Variants in ZBTB20 observed in about 807,000 individuals in gnomAD.
ZBTB20 encodes the protein zinc finger and BTB domain containing 20, also known as zinc finger and BTB domain-containing protein 20.
ZBTB20 carries 9 observed loss-of-function variants against 56.9 expected under a neutral mutation model. The observed-to-expected ratio is 0.16, with a 90% CI of 0.10 to 0.28. The LOEUF (loss-of-function observed/expected upper bound fraction) is 0.28, where lower values mean the gene tolerates loss of function less well. ZBTB20 is among the 10% of genes least tolerant of loss of function. ZBTB20 has a pLI of 1.00. For missense variants in ZBTB20, 655 were observed against 1,003.0 expected (o/e 0.65, Z 4.69); for synonymous variants, 417 against 420.7 (o/e 0.99, Z 0.11).
intron 4 of ZBTB20, among the ~76,000 whole-genome samples, chr3:114,870,557 G>T (rs772239328): frequency 1.3e-5 from 2 of 151,646 alleles, no homozygotes; most frequent in Non-Finnish European, 2.9e-5. Flanking sequence ...TGCTTCAGTG[G>T]TGATGGTGGT....
intron 7 of ZBTB20, among the ~76,000 whole-genome samples, chr3:114,421,121 T>A (rs1162757856): frequency 6.6e-6 from 1 of 152,098 alleles, no homozygotes; most frequent in Non-Finnish European, 1.5e-5. Context: ...GCTTTTCCTA[T>A]CTTTTGTTTC....
rs1560060029 is a variant in ZBTB20, at chr3:114,324,137, A to G, written c.*14868T>C. 6.6e-6 allele frequency: 1 copy of G among 152,144 alleles called. No homozygotes were observed. The highest frequency in any genetic ancestry group is 1.5e-5 in the Non-Finnish European group (1 of 68,018). 9.4% of individuals were successfully genotyped at this position (152,144 alleles called of 1,614,324 possible). ...CATGCACCTATGTATTTTCTGTAAA[A>G]CATTAAGCCAATAGGCAGAAAATAA... On this transcript the variant is annotated 3_prime_UTR_variant, in exon 12 of 12. Transcript: ENST00000675478.
chr3:115,141,368 G>A (rs1053819204), intron 1 of ZBTB20, among the ~76,000 whole-genome samples: 2 of 152,098 alleles, frequency 1.3e-5, no homozygotes, highest in African/African-American at 4.8e-5. Context: ...TGAAATACAA[G>A]GCTTGAATAC....
chr3:114,389,075 C>T lies in ZBTB20; in HGVS notation c.-224G>A, dbSNP rs1433104668. 1 of 152,130 alleles carries T rather than the reference C, an allele frequency of 6.6e-6. No homozygotes were observed. Among genetic ancestry groups the T allele is most frequent in the African/African-American group, 2.4e-5 (1 of 41,414 alleles). 9.4% of individuals were successfully genotyped at this position (152,130 alleles called of 1,614,324 possible). ...AAGGCTTGGGCCTAGTGCAGATGTT[C>T]ATTGGGGCAGGGAGCAGAGAGCGGC... On this transcript the variant is annotated 5_prime_UTR_variant, in exon 8 of 12. An upstream start codon of the reference 5' UTR is lost. Coordinates refer to ENST00000675478, the MANE Select transcript of ZBTB20 (RefSeq NM_001348800.3).
intron 4 of ZBTB20, among the ~76,000 whole-genome samples, chr3:114,858,742 A>G (rs1160529421): frequency 6.6e-6 from 1 of 152,150 alleles, no homozygotes; most frequent in Non-Finnish European, 1.5e-5. Flanking sequence ...ATCACTTTGG[A>G]CATTAAAGTA....
intron 7 of ZBTB20, chr3:114,445,780 T>C (rs2091230656): frequency 6.6e-6 from 1 of 152,156 alleles, no homozygotes; most frequent in Non-Finnish European, 1.5e-5. Context: ...TTTAAAGCAA[T>C]CCATTAAAGC....
chr3:114,863,932 T>C (rs897882798), intron 4 of ZBTB20, among the ~76,000 whole-genome samples: 1 of 152,082 alleles, frequency 6.6e-6, no homozygotes, highest in Non-Finnish European at 1.5e-5. Flanking sequence ...ATTTTCTTCT[T>C]CCTCTAAAAA....
chr3:114,697,427 C>T (rs2063111017), intron 5 of ZBTB20, among the ~76,000 whole-genome samples: 1 of 151,872 alleles, frequency 6.6e-6, no homozygotes, highest in Admixed American at 6.6e-5. Context: ...AATTATGGGA[C>T]ATTTTGCTGC....
At chr3:115,115,946 C>T (rs943249586) in intron 1 of ZBTB20, among the ~76,000 whole-genome samples, 4 of 151,920 alleles carry the variant, frequency 2.6e-5, no homozygotes, top group Non-Finnish European at 1.5e-5. Flanking sequence ...TATTTTTGAT[C>T]AATGTTCAAA....
chr3:114,835,174 A>G (rs883668), intron 4 of ZBTB20, among the ~76,000 whole-genome samples: 125,633 of 152,140 alleles, frequency 0.83, 54,361 homozygotes, highest in East Asian at 0.98. Flanking sequence ...TGTAAAGTCA[A>G]TTTTCTCCCA....
chr3:114,802,678 G>A (rs1170620448), intron 4 of ZBTB20, among the ~76,000 whole-genome samples: 2 of 151,806 alleles, frequency 1.3e-5, no homozygotes, highest in Non-Finnish European at 2.9e-5. Flanking sequence ...AAAATAACTT[G>A]TGCTCAGAAA....
chr3:114,877,932 G>A (rs2076257501), intron 4 of ZBTB20, among the ~76,000 whole-genome samples: 1 of 151,970 alleles, frequency 6.6e-6, no homozygotes, highest in African/African-American at 2.4e-5. Context: ...AGTAAAGGAA[G>A]GTATAAAAAC....
chr3:114,952,567 G>T (rs1352920850), intron 3 of ZBTB20, among the ~76,000 whole-genome samples: 1 of 151,326 alleles, frequency 6.6e-6, no homozygotes, highest in Non-Finnish European at 1.5e-5. Context: ...AACCCACAGA[G>T]TCAAGAAGTA....
chr3:114,885,042 T>C (rs1372838817), intron 4 of ZBTB20, among the ~76,000 whole-genome samples: 1 of 152,206 alleles, frequency 6.6e-6, no homozygotes, highest in South Asian at 2.1e-4. Context: ...TTATAGGATA[T>C]GGCAAAGTTT....
intron 2 of ZBTB20, among the ~76,000 whole-genome samples, chr3:114,978,901 T>A (rs2078216481): frequency 6.6e-6 from 1 of 151,890 alleles, no homozygotes; most frequent in African/African-American, 2.4e-5. Flanking sequence ...ATTTATATTA[T>A]TAGAATTCCT....
intron 7 of ZBTB20, among the ~76,000 whole-genome samples, chr3:114,408,041 C>T (rs1431634327): frequency 6.6e-6 from 1 of 152,180 alleles, no homozygotes; most frequent in Non-Finnish European, 1.5e-5. Flanking sequence ...GTTCAAAGTA[C>T]ATGGAAATAT....
chr3:114,802,805 C>T (rs1342487263), intron 4 of ZBTB20, among the ~76,000 whole-genome samples: 1 of 151,880 alleles, frequency 6.6e-6, no homozygotes. Context: ...GTTCTACTCA[C>T]CAACAAAATA....
chr3:114,443,021 CTCT>C (rs1344353171), intron 7 of ZBTB20, among the ~76,000 whole-genome samples: 3 of 152,048 alleles, frequency 2.0e-5, no homozygotes, highest in Admixed American at 2.0e-4. Context: ...TATACTTGCC[CTCT>C]TCTTCAAATT....
chr3:114,408,230 G>A (rs1326258008), intron 7 of ZBTB20, among the ~76,000 whole-genome samples: 1 of 152,170 alleles, frequency 6.6e-6, no homozygotes, highest in Non-Finnish European at 1.5e-5. Flanking sequence ...TACTGAGTTT[G>A]CTTGTTATGG....
Sources: gnomAD v4.1 joint callset for allele counts (sites outside exome capture counted in the v4.1 genomes callset) on GRCh38, gnomAD v4.1.1 for gene constraint, MANE v1.5 for transcripts, NCBI Gene and HGNC (gene_info 2026-07-23, HGNC 2026-07-21) for gene names.